AGTPBP1: variants seen among roughly 807,000 people sequenced by gnomAD.
AGTPBP1 encodes the protein cytosolic carboxypeptidase 1.
Under a neutral mutation model 143.9 loss-of-function variants are expected in AGTPBP1, and 70 were observed. The ratio of observed to expected loss-of-function variants is 0.49; its 90% CI spans 0.40 to 0.59. The LOEUF (loss-of-function observed/expected upper bound fraction) is 0.59. AGTPBP1 is among the 20% of genes least tolerant of loss of function. The probability of loss-of-function intolerance (pLI) is 0.00; values close to 1 mark genes in which losing one functional copy is unlikely to be tolerated. For missense variants in AGTPBP1, 1,229 were observed against 1,464.5 expected (o/e 0.84, Z 2.62); for synonymous variants, 463 against 500.2 (o/e 0.93, Z 0.99).
chr9:85,692,931 T>C (rs1587915955), intron 2 of AGTPBP1, 118 bp from the exon 3 acceptor site: 4 of 1,128,792 alleles, frequency 3.5e-6, no homozygotes, highest in Non-Finnish European at 5.0e-6. Flanking sequence ...CATTTACACG[T>C]CGCACTTCCT....
intron 14 of AGTPBP1, among the ~76,000 whole-genome samples, chr9:85,628,696 GGTT>G (rs1480962723): frequency 9.9e-5 from 15 of 152,024 alleles, no homozygotes; most frequent in Non-Finnish European, 1.9e-4. Context: ...CAACAGAGTT[GGTT>G]GTTTTTGTTT....
At chr9:85,730,877 C>T (rs997434666) in intron 1 of AGTPBP1, among the ~76,000 whole-genome samples, 1 of 152,274 alleles carries the variant, frequency 6.6e-6, no homozygotes, top group African/African-American at 2.4e-5. Context: ...TATTCTTTCC[C>T]TGTTAAATTA....
intron 17 of AGTPBP1, among the ~76,000 whole-genome samples, chr9:85,608,985 G>C (rs1046034990): frequency 1.3e-5 from 2 of 152,066 alleles, no homozygotes; most frequent in South Asian, 4.1e-4. Context: ...AATATATTAC[G>C]GACAGTGGGG....
intron 25 of AGTPBP1, among the ~76,000 whole-genome samples, chr9:85,559,019 TTAAA>T (rs532304396): frequency 2.0e-3 from 302 of 152,344 alleles, no homozygotes; most frequent in African/African-American, 7.0e-3. Context: ...TAAATAACTA[TTAAA>T]TGTTTCATCA....
intron 8 of AGTPBP1, among the ~76,000 whole-genome samples, chr9:85,664,713 T>C (rs77674461): frequency 0.042 from 6,420 of 152,246 alleles, 330 homozygotes; most frequent in East Asian, 0.25. Context: ...ATTTAAAAAG[T>C]GATTAAGAAA....
chr9:85,720,051 G>A (rs2134596209), intron 1 of AGTPBP1, among the ~76,000 whole-genome samples: 1 of 152,308 alleles, frequency 6.6e-6, no homozygotes, highest in South Asian at 2.1e-4. Flanking sequence ...TGTGCTGCTG[G>A]ATTCAGTTTG....
chr9:85,778,490 A>G, the AGTPBP1 span, among the ~76,000 whole-genome samples: 1 of 152,202 alleles, frequency 6.6e-6, no homozygotes, highest in Non-Finnish European at 1.5e-5. Flanking sequence ...CTGCTGGGTC[A>G]TATGGCCCAA....
At chr9:85,630,601 TC>T (rs1224943695) in intron 14 of AGTPBP1, among the ~76,000 whole-genome samples, 1 of 152,084 alleles carries the variant, frequency 6.6e-6, no homozygotes, top group African/African-American at 2.4e-5. Flanking sequence ...TCCCTCAGCC[TC>T]CTGAATAGTT....
chr9:85,597,842 T>C (rs1195483238), intron 17 of AGTPBP1, among the ~76,000 whole-genome samples: 1 of 152,148 alleles, frequency 6.6e-6, no homozygotes, highest in Non-Finnish European at 1.5e-5. Flanking sequence ...TCTAAGAAAA[T>C]GCTACTCTTT....
At chr9:85,639,555 T>C (rs1400907243) in intron 13 of AGTPBP1, among the ~76,000 whole-genome samples, 1 of 152,196 alleles carries the variant, frequency 6.6e-6, no homozygotes, top group East Asian at 1.9e-4. Flanking sequence ...ATACAAAAAG[T>C]AATTTCAGGA....
chr9:85,681,422 C>G, intron 3 of AGTPBP1, 87 bp from the exon 4 acceptor site: 1 of 1,039,208 alleles, frequency 9.6e-7, no homozygotes, highest in South Asian at 1.4e-5. Flanking sequence ...AAAGATTCAA[C>G]AAGTCTCCAC....
At chr9:85,750,520 G>C in the AGTPBP1 span, among the ~76,000 whole-genome samples, 4 of 152,298 alleles carry the variant, frequency 2.6e-5, no homozygotes, top group Admixed American at 1.3e-4. Flanking sequence ...TTCTAAAAAT[G>C]TAAACACTTC....
At chr9:85,622,865 G>A (rs1283282746) in intron 14 of AGTPBP1, among the ~76,000 whole-genome samples, 1 of 152,140 alleles carries the variant, frequency 6.6e-6, no homozygotes, top group Non-Finnish European at 1.5e-5. Context: ...AATTTAAGTG[G>A]TCAAGTATGG....
chr9:85,683,453 G>A (rs959925496), intron 3 of AGTPBP1, among the ~76,000 whole-genome samples: 2 of 151,746 alleles, frequency 1.3e-5, no homozygotes, highest in East Asian at 1.9e-4. Flanking sequence ...TTCCATGAAG[G>A]GTAAAAAAAA....
intron 1 of AGTPBP1, among the ~76,000 whole-genome samples, chr9:85,736,746 A>G (rs1823815236): frequency 6.6e-6 from 1 of 152,340 alleles, no homozygotes; most frequent in Non-Finnish European, 1.5e-5. Flanking sequence ...GTATAATACT[A>G]AAATTTAAAA....
the AGTPBP1 span, among the ~76,000 whole-genome samples, chr9:85,786,868 T>A: frequency 6.6e-6 from 1 of 152,206 alleles, no homozygotes; most frequent in Non-Finnish European, 1.5e-5. Flanking sequence ...ATTTGAAGAA[T>A]AAAACTAGTA....
the AGTPBP1 span, among the ~76,000 whole-genome samples, chr9:85,747,416 C>T: frequency 6.6e-6 from 1 of 152,108 alleles, no homozygotes; most frequent in African/African-American, 2.4e-5. Context: ...CAAAAAAGGC[C>T]ATTGGAATTT....
At chr9:85,695,499 G>A (rs773430907) in intron 2 of AGTPBP1, among the ~76,000 whole-genome samples, 60 of 152,150 alleles carry the variant, frequency 3.9e-4, no homozygotes, top group Non-Finnish European at 8.1e-4. Context: ...TGGTCCAAAG[G>A]CAATGATGGG....
intron 7 of AGTPBP1, among the ~76,000 whole-genome samples, 160 bp from the exon 8 acceptor site, chr9:85,669,738 GT>G (rs1834365845): frequency 6.8e-6 from 1 of 146,488 alleles, no homozygotes; most frequent in African/African-American, 2.5e-5. Flanking sequence ...AAGAAATAGT[GT>G]TTTTTGTTTT....
Sources: gnomAD v4.1 joint callset for allele counts (sites outside exome capture counted in the v4.1 genomes callset) on GRCh38, gnomAD v4.1.1 for gene constraint, MANE v1.5 for transcripts, NCBI Gene and HGNC (gene_info 2026-07-23, HGNC 2026-07-21) for gene names.